The following ABL1 variants were observed in gnomAD, a reference collection of about 807,000 sequenced individuals.
ABL1 encodes the protein tyrosine-protein kinase ABL1.
Under a neutral mutation model 94.7 loss-of-function variants are expected in ABL1, and 11 were observed. The ratio of observed to expected loss-of-function variants is 0.12; its 90% CI spans 0.07 to 0.19. ABL1 has a LOEUF of 0.19. Ranked by LOEUF, ABL1 falls within the 10% of genes least tolerant of loss-of-function variation. The probability of loss-of-function intolerance (pLI) is 1.00; values close to 1 mark genes in which losing one functional copy is unlikely to be tolerated. For synonymous variants in ABL1, 656 were observed against 622.4 expected (o/e 1.05, Z -0.80); for missense variants, 1,082 against 1,489.4 (o/e 0.73, Z 4.50).
chr9:130,791,969 G>C (rs1012870490), intron 1 of ABL1, among the ~76,000 whole-genome samples: 2 of 152,052 alleles, frequency 1.3e-5, no homozygotes, highest in Non-Finnish European at 2.9e-5. Context: ...CAAGAAGAAG[G>C]GAAATGACAC....
intron 3 of ABL1, among the ~76,000 whole-genome samples, chr9:130,858,885 G>A (rs906782500): frequency 3.9e-5 from 6 of 152,018 alleles, no homozygotes; most frequent in Admixed American, 6.6e-5. Flanking sequence ...GTCTCTCCTC[G>A]TGTTCTGAGC....
At chr9:130,853,654 A>T (rs1368695910) in intron 1 of ABL1, among the ~76,000 whole-genome samples, 1 of 152,124 alleles carries the variant, frequency 6.6e-6, no homozygotes. Flanking sequence ...AACTCAGGTG[A>T]TCCACCCACC....
chr9:130,847,765 G>A (rs1313785876), intron 1 of ABL1, among the ~76,000 whole-genome samples: 1 of 152,142 alleles, frequency 6.6e-6, no homozygotes, highest in Non-Finnish European at 1.5e-5. Context: ...ATCGCCTGAC[G>A]TCCTGTTGAA....
At chr9:130,818,236 G>A (rs1022565905) in intron 1 of ABL1, among the ~76,000 whole-genome samples, 49 of 152,322 alleles carry the variant, frequency 3.2e-4, no homozygotes, top group Admixed American at 2.7e-3. Context: ...TTGAGAGACC[G>A]AGGAGGGTGG....
chr9:130,858,016 G>A (rs939140500), intron 3 of ABL1, among the ~76,000 whole-genome samples: 1 of 150,854 alleles, frequency 6.6e-6, no homozygotes, highest in Non-Finnish European at 1.5e-5. Flanking sequence ...CACCGCCCAT[G>A]GGGGGTGATT....
At chr9:130,840,313 C>T (rs1173249414) in intron 1 of ABL1, among the ~76,000 whole-genome samples, 1 of 152,154 alleles carries the variant, frequency 6.6e-6, no homozygotes, top group African/African-American at 2.4e-5. Flanking sequence ...CTGTTATTCC[C>T]GTAGTGAATA....
At chr9:130,769,572 C>T (rs1323542415) in intron 1 of ABL1, among the ~76,000 whole-genome samples, 1 of 152,062 alleles carries the variant, frequency 6.6e-6, no homozygotes, top group Non-Finnish European at 1.5e-5. Flanking sequence ...CTCCTGACCT[C>T]AGGTGATCTA....
Position 130,880,375 on chromosome 9 carries a change from T to A in ABL1, c.1514-125T>A. On this transcript the variant is annotated intron_variant, in intron 9 of 10. Coordinates refer to ENST00000318560, the MANE Select transcript of ABL1 (RefSeq NM_005157.6). The surrounding 1 kb of genome is among the most constrained non-coding windows in gnomAD (Gnocchi z 4.4). ...AAGGGCTGTTTCTCCGGTATCCACG[T>A]GCCTTTTCTTTAGTTGTATGCAGAT... The A allele has an allele frequency of 8.2e-7, 1 of 1,219,172 alleles. No individual in the cohort carries two copies. The allele number at this position is 1,219,172 out of a possible 1,614,324, so 75.5% of individuals were successfully genotyped here.
chr9:130,819,349 A>C (rs1423157503), intron 1 of ABL1, among the ~76,000 whole-genome samples: 2 of 151,816 alleles, frequency 1.3e-5, no homozygotes, highest in Non-Finnish European at 2.9e-5. Context: ...GCGAGACTCC[A>C]TCTCAAAAAT....
Position 130,863,061 on chromosome 9 carries a change from C to A in ABL1, c.822+26C>A. 6.4e-7 allele frequency: 1 copy of A among 1,568,518 alleles called. No homozygotes were observed. The highest frequency in any genetic ancestry group is 8.7e-7 in the Non-Finnish European group (1 of 1,153,914). On this transcript the variant is annotated intron_variant, in intron 4 of 10. Transcript: ENST00000318560. This position sits in a 1 kb window ranked among gnomAD's most constrained non-coding sequence, Gnocchi z 4.3. ...GTAGGCTGGGACTGCCGGGGGTGCC[C>A]AGGGTACGTGGGGCAAGGCGTCTGC...
chr9:130,827,284 T>C (rs773016773), intron 1 of ABL1, among the ~76,000 whole-genome samples: 3 of 152,196 alleles, frequency 2.0e-5, no homozygotes, highest in Non-Finnish European at 4.4e-5. Context: ...ATTGAAATAT[T>C]CTTTTCTAGG....
chr9:130,718,244 G>C (rs1225304089), intron 1 of ABL1, among the ~76,000 whole-genome samples: 1 of 151,302 alleles, frequency 6.6e-6, no homozygotes, highest in African/African-American at 2.4e-5. Context: ...CTTGAGCCCC[G>C]GGGGAAGAGG....
exon 1 of ABL1, among the ~76,000 whole-genome samples, chr9:130,713,216 G>GT (rs769092420): frequency 8.7e-4 from 132 of 152,136 alleles, no homozygotes; most frequent in Non-Finnish European, 1.6e-3. Flanking sequence ...GAGGGCGGTG[G>GT]TGGTGTCAGC....
At chr9:130,765,264 A>G (rs2132757148) in intron 1 of ABL1, among the ~76,000 whole-genome samples, 1 of 152,212 alleles carries the variant, frequency 6.6e-6, no homozygotes, top group South Asian at 2.1e-4. Context: ...TTTCAGAGGT[A>G]CAAGGGGAGG....
At chr9:130,764,079 G>A (rs1299209939) in intron 1 of ABL1, among the ~76,000 whole-genome samples, 2 of 152,184 alleles carry the variant, frequency 1.3e-5, no homozygotes, top group Non-Finnish European at 2.9e-5. Flanking sequence ...CAGGCTGAGG[G>A]GAGGTTTGTA....
At chr9:130,797,050 A>C (rs1302658649) in intron 1 of ABL1, among the ~76,000 whole-genome samples, 1 of 151,304 alleles carries the variant, frequency 6.6e-6, no homozygotes, top group Non-Finnish European at 1.5e-5. Context: ...AGGGTGGCCA[A>C]GATGGTGAAA....
chr9:130,840,282 G>T (rs749663553), intron 1 of ABL1, among the ~76,000 whole-genome samples: 2 of 152,138 alleles, frequency 1.3e-5, no homozygotes, highest in Non-Finnish European at 1.5e-5. Context: ...GCTGAAAAAT[G>T]TCTTCTCTTC....
Position 130,725,222 on chromosome 9 carries a change from T to G in ABL1, c.136+10767T>G, listed in dbSNP as rs559397945. Among the ~76,000 whole-genome samples the G allele has an allele frequency of 3.3e-5, 5 of 152,152 alleles. No individual in the cohort carries two copies. In the South Asian group the frequency reaches 1.0e-3, roughly 32 times the overall value. On this transcript the variant is annotated intron_variant, in intron 1 of 10. Transcript: ENST00000372348. Reference sequence around the variant, plus strand: ...TCCTAAGTAGAAACTCTGTACCCATTAAAAAATAATATCCCATTTCCCTCT... The same window carrying G: ...TCCTAAGTAGAAACTCTGTACCCATGAAAAAATAATATCCCATTTCCCTCT...
chr9:130,743,472 T>G (rs1770525596), intron 1 of ABL1, among the ~76,000 whole-genome samples: 1 of 152,204 alleles, frequency 6.6e-6, no homozygotes, highest in African/African-American at 2.4e-5. Context: ...CAAATGTCAA[T>G]TCTAATTTGG....
Sources: allele counts gnomAD v4.1 joint callset (sites outside exome capture counted in the v4.1 genomes callset), GRCh38; gene constraint gnomAD v4.1.1; non-coding constraint Gnocchi (gnomAD v3.1); transcripts MANE v1.5; gene names NCBI Gene and HGNC (gene_info 2026-07-23, HGNC 2026-07-21).